Variants in USH2A observed in about 807,000 individuals in gnomAD.
The protein encoded by USH2A is usherin, also known as Usher syndrome 2A (autosomal recessive, mild).
A neutral mutation model predicts 538.9 loss-of-function variants in USH2A; 443 were observed. The ratio of observed to expected loss-of-function variants is 0.82; its 90% CI spans 0.76 to 0.89. The LOEUF (loss-of-function observed/expected upper bound fraction) is 0.89. Among genes scored for constraint, USH2A ranks in the 40% least tolerant of loss-of-function variants. The pLI is 0.00. For missense variants in USH2A, 6,633 were observed against 6,324.8 expected, an observed-to-expected ratio of 1.05 and a Z score of -1.65; for synonymous variants, 2,413 against 2,273.5, an observed-to-expected ratio of 1.06 and a Z score of -1.75.
In USH2A at chr1:216,199,642, G is replaced by GT. The variant is rs1204840852; in HGVS notation, c.3795dup (p.Pro1266ThrfsTer12). 1 of 1,614,038 alleles carries GT rather than the reference G, an allele frequency of 6.2e-7. No homozygotes were observed. Among genetic ancestry groups the GT allele is most frequent in the South Asian group, 1.1e-5 (1 of 91,082 alleles). ...GGATTCTTACCATTTAGTTCCGCTG[G>GT]TGGAGACCATTCTACATGAAGTTCT... On this transcript the variant is annotated frameshift_variant, in exon 17 of 72. Transcript: ENST00000307340. LOFTEE classifies it high-confidence loss of function.
Position 215,817,127 on chromosome 1 carries a change from C to T in USH2A, c.9440G>A (p.Trp3147Ter), listed in dbSNP as rs1662880811. 6.2e-7 allele frequency: 1 copy of T among 1,612,808 alleles called. No homozygotes were observed. The highest frequency in any genetic ancestry group is 2.2e-5 in the East Asian group (1 of 44,832). The change falls in exon 48 of 72, where the codon TGG becomes TAG. Residue 3147 changes from tryptophan to a stop codon, truncating the protein, a stop_gained. Transcript: ENST00000307340. LOFTEE classifies it high-confidence loss of function. ...NGIILGYDLL[W>*]KTWYPCAKTQ... Reference sequence around the variant, plus strand: ...TTTAGCGCATGGATACCATGTTTTCCATAGGAGATCATATCCAAGAATGAT... The same window carrying T: ...TTTAGCGCATGGATACCATGTTTTCTATAGGAGATCATATCCAAGAATGAT...
intron 69 of USH2A, among the ~76,000 whole-genome samples, chr1:215,636,619 G>A (rs556895101): frequency 7.9e-5 from 12 of 152,256 alleles, no homozygotes; most frequent in African/African-American, 2.9e-4. Flanking sequence ...TGGGCCCAGT[G>A]GGCCCCTTGC....
At chr1:215,862,054 G>T (rs2102435802) in intron 44 of USH2A, among the ~76,000 whole-genome samples, 1 of 152,124 alleles carries the variant, frequency 6.6e-6, no homozygotes, top group African/African-American at 2.4e-5. Context: ...TGGCCAGGAT[G>T]GTCTCGATCT....
chr1:215,945,518 T>C (rs150812522), intron 37 of USH2A, among the ~76,000 whole-genome samples: 1 of 152,282 alleles, frequency 6.6e-6, no homozygotes, highest in African/African-American at 2.4e-5. Context: ...CAGGTCTTTT[T>C]TTAAAAGAAA....
At chr1:216,240,214 C>G (rs1171410031) in intron 13 of USH2A, among the ~76,000 whole-genome samples, 2 of 152,198 alleles carry the variant, frequency 1.3e-5, no homozygotes, top group African/African-American at 4.8e-5. Context: ...AATACCTTCC[C>G]CAACCAGGAA....
intron 21 of USH2A, among the ~76,000 whole-genome samples, chr1:216,098,907 G>A (rs2032511748): frequency 6.6e-6 from 1 of 152,160 alleles, no homozygotes. Context: ...TAGAGGTATG[G>A]AAAGTTTGAG....
intron 62 of USH2A, among the ~76,000 whole-genome samples, chr1:215,679,141 G>A (rs568393646): frequency 2.0e-5 from 3 of 152,354 alleles, no homozygotes; most frequent in South Asian, 4.1e-4. Flanking sequence ...GCTAGGCAGA[G>A]AGGCAGCCCA....
chr1:216,251,180 G>A, intron 11 of USH2A, 82 bp from the exon 12 acceptor site: 1 of 1,413,306 alleles, frequency 7.1e-7, no homozygotes, highest in Non-Finnish European at 9.9e-7. Flanking sequence ...GACAGGGAGG[G>A]AGGGAGAAGA....
chr1:215,657,822 C>T (rs557447569), intron 64 of USH2A, among the ~76,000 whole-genome samples: 70 of 152,272 alleles, frequency 4.6e-4, no homozygotes, highest in Non-Finnish European at 8.5e-4. Context: ...CTTCTCATAC[C>T]GCCTTGCTCT....
intron 44 of USH2A, among the ~76,000 whole-genome samples, chr1:215,855,606 AAATTACCATCAACAC>A (rs1385701631): frequency 2.0e-5 from 3 of 152,144 alleles, no homozygotes; most frequent in Non-Finnish European, 4.4e-5. Context: ...AATTCCCATC[AAATTACCATCAACAC>A]AATTCCCATC....
At chr1:216,395,203 C>CTTTTTTTTTTTTTTTTT (rs2039189552) in intron 3 of USH2A, among the ~76,000 whole-genome samples, 1 of 152,112 alleles carries the variant, frequency 6.6e-6, no homozygotes, top group African/African-American at 2.4e-5. Context: ...GCTGACAATT[C>CTTTTTTTTTTTTTTTTT]TATGTTCTTT....
intron 32 of USH2A, among the ~76,000 whole-genome samples, chr1:216,006,513 G>A (rs1668396913): frequency 6.6e-6 from 1 of 152,086 alleles, no homozygotes; most frequent in Non-Finnish European, 1.5e-5. Flanking sequence ...ATCATCTTAT[G>A]TCTCTAATAC....
intron 32 of USH2A, among the ~76,000 whole-genome samples, chr1:216,012,714 G>A (rs1208884572): frequency 6.6e-5 from 10 of 151,944 alleles, no homozygotes; most frequent in South Asian, 2.1e-4. Flanking sequence ...AAGCTCAGCC[G>A]CCAACTTAAA....
intron 70 of USH2A, among the ~76,000 whole-genome samples, chr1:215,631,471 T>C (rs1227943773): frequency 2.0e-5 from 3 of 152,220 alleles, no homozygotes; most frequent in African/African-American, 7.2e-5. Context: ...TTTTTGACAA[T>C]GTCTCTCATG....
At chr1:215,870,114 G>A (rs1373064309) in intron 43 of USH2A, among the ~76,000 whole-genome samples, 1 of 151,988 alleles carries the variant, frequency 6.6e-6, no homozygotes, top group East Asian at 1.9e-4. Flanking sequence ...TAGTTAATGG[G>A]GTAGCTGGAC....
intron 30 of USH2A, among the ~76,000 whole-genome samples, chr1:216,054,091 C>T (rs1410607961): frequency 6.6e-6 from 1 of 152,154 alleles, no homozygotes; most frequent in Non-Finnish European, 1.5e-5. Flanking sequence ...CCTTTTACTG[C>T]TTTCCTTATC....
At chr1:216,247,364 C>G (rs1323459120) in intron 12 of USH2A, 138 bp from the exon 13 acceptor site, 1 of 965,342 alleles carries the variant, frequency 1.0e-6, no homozygotes, top group African/African-American at 1.7e-5. Flanking sequence ...CATAGGGGGC[C>G]AATCTTACTC....
chr1:216,006,638 A>G (rs577630977), intron 32 of USH2A, among the ~76,000 whole-genome samples: 9 of 152,094 alleles, frequency 5.9e-5, no homozygotes, highest in Non-Finnish European at 1.3e-4. Context: ...AGCCATAATT[A>G]TGTTGTTCCT....
intron 11 of USH2A, among the ~76,000 whole-genome samples, chr1:216,279,971 G>C (rs181872439): frequency 6.6e-6 from 1 of 151,696 alleles, no homozygotes; most frequent in Non-Finnish European, 1.5e-5. Flanking sequence ...GGAAAGGATG[G>C]AGACAAGCGG....
Sources: gnomAD v4.1 joint callset for allele counts (sites outside exome capture counted in the v4.1 genomes callset) on GRCh38, gnomAD v4.1.1 for gene constraint, MANE v1.5 for transcripts, NCBI Gene and HGNC (gene_info 2026-07-23, HGNC 2026-07-21) for gene names.